Variants in TRIO observed in about 807,000 individuals in gnomAD.
TRIO encodes the protein trio Rho guanine nucleotide exchange factor, also known as triple functional domain protein.
In TRIO, 58 loss-of-function variants were observed where a neutral mutation model predicts 351.9. The observed-to-expected ratio is 0.16, with a 90% CI of 0.13 to 0.21. The LOEUF (loss-of-function observed/expected upper bound fraction) is 0.21, where lower values mean the gene tolerates loss of function less well. Ranked by LOEUF, TRIO falls within the 10% of genes least tolerant of loss-of-function variation. The pLI is 1.00. For synonymous variants in TRIO, 1,758 were observed against 1,595.7 expected, an observed-to-expected ratio of 1.10 and a Z score of -2.42; for missense variants, 3,201 against 4,027.8, an observed-to-expected ratio of 0.79 and a Z score of 5.56.
intron 8 of TRIO, among the ~76,000 whole-genome samples, chr5:14,314,094 T>C (rs1739167023): frequency 6.6e-6 from 1 of 152,200 alleles, no homozygotes; most frequent in Non-Finnish European, 1.5e-5. Context: ...GGAATTCTTT[T>C]TAGGGTTAAC....
At chr5:14,479,817 CT>C in intron 42 of TRIO, 101 bp from the exon 43 acceptor site, 1 of 1,051,422 alleles carries the variant, frequency 9.5e-7, no homozygotes. Context: ...TTCCTCGTTA[CT>C]TTTACTGCCA....
intron 2 of TRIO, among the ~76,000 whole-genome samples, chr5:14,273,935 TCAG>T (rs1202922796): frequency 2.6e-5 from 4 of 152,226 alleles, no homozygotes; most frequent in Admixed American, 6.5e-5. Context: ...GTTGCCCACT[TCAG>T]CAACTTGTTT....
chr5:14,480,154 A>C, intron 43 of TRIO, 143 bp downstream of exon 43: 1 of 697,450 alleles, frequency 1.4e-6, no homozygotes, highest in Non-Finnish European at 2.3e-6. Context: ...AAACCTTAAA[A>C]ATTTAAATCA....
At chr5:14,184,506 G>A (rs1479159860) in intron 1 of TRIO, among the ~76,000 whole-genome samples, 1 of 152,250 alleles carries the variant, frequency 6.6e-6, no homozygotes, top group Non-Finnish European at 1.5e-5. Context: ...GACTGGAAAA[G>A]TGTTTGCATT....
chr5:14,282,133 A>T (rs1581520741), intron 3 of TRIO, among the ~76,000 whole-genome samples: 2 of 152,338 alleles, frequency 1.3e-5, no homozygotes, highest in African/African-American at 4.8e-5. Flanking sequence ...AGCCCTACTT[A>T]TCTGGAGTAA....
chr5:14,487,052 C>T lies in TRIO; in HGVS notation c.6836-412C>T, dbSNP rs1755966148. On this transcript the variant is annotated intron_variant, in intron 47 of 56. Coordinates refer to ENST00000344204, the MANE Select transcript of TRIO (RefSeq NM_007118.4). ...CCTCTAGTAGCTCCTTAGCTTCCCTCAGGGCTGTGTTCAGCCTGCAGAGCA... is the reference window on the plus strand; with the variant it reads ...CCTCTAGTAGCTCCTTAGCTTCCCTTAGGGCTGTGTTCAGCCTGCAGAGCA... Among the ~76,000 whole-genome samples the T allele has an allele frequency of 2.0e-5, 3 of 152,138 alleles. No homozygotes were observed. The South Asian group carries it at 6.2e-4, about 31-fold the overall frequency.
chr5:14,391,114 A>G (rs191308653), intron 27 of TRIO, 124 bp downstream of exon 27: 147 of 729,384 alleles, frequency 2.0e-4, no homozygotes, highest in Admixed American at 1.3e-3. Context: ...ATTTTTGTCT[A>G]TCATTTTGTC....
chr5:14,420,302 T>G, intron 34 of TRIO: 1 of 387,840 alleles, frequency 2.6e-6, no homozygotes, highest in South Asian at 2.9e-5. Context: ...TTTGGAACAT[T>G]CCAGTTGCTT....
intron 34 of TRIO, among the ~76,000 whole-genome samples, chr5:14,455,156 T>A (rs538432346): frequency 6.6e-6 from 1 of 152,128 alleles, no homozygotes; most frequent in Non-Finnish European, 1.5e-5. Context: ...GCTTCCACAG[T>A]GTGGAAGGGG....
At chr5:14,217,482 G>T (rs1415704869) in intron 1 of TRIO, among the ~76,000 whole-genome samples, 1 of 152,178 alleles carries the variant, frequency 6.6e-6, no homozygotes, top group African/African-American at 2.4e-5. Context: ...CAGGTATGAA[G>T]TATACAGAAG....
At chr5:14,503,560 C>T (rs1419738217) in intron 54 of TRIO, among the ~76,000 whole-genome samples, 1 of 152,220 alleles carries the variant, frequency 6.6e-6, no homozygotes, top group Non-Finnish European at 1.5e-5. Context: ...CATCGACTTT[C>T]ACCCTGGGCT....
chr5:14,444,704 C>T (rs940029270), intron 34 of TRIO, among the ~76,000 whole-genome samples: 5 of 152,148 alleles, frequency 3.3e-5, no homozygotes, highest in Non-Finnish European at 7.4e-5. Context: ...TAATTTTGTT[C>T]CCTTGCTTCC....
At chr5:14,218,256 G>C (rs565174140) in intron 1 of TRIO, among the ~76,000 whole-genome samples, 2 of 152,310 alleles carry the variant, frequency 1.3e-5, no homozygotes, top group South Asian at 4.1e-4. Flanking sequence ...TAGTGAAGTC[G>C]TCGGTTTAAA....
chr5:14,172,597 A>AG (rs1472718325), intron 1 of TRIO, among the ~76,000 whole-genome samples: 3 of 151,654 alleles, frequency 2.0e-5, no homozygotes, highest in African/African-American at 7.3e-5. Flanking sequence ...TCACAATAAC[A>AG]GGGGGGATGA....
chr5:14,156,717 C>T (rs1788122169), intron 1 of TRIO, among the ~76,000 whole-genome samples: 1 of 152,160 alleles, frequency 6.6e-6, no homozygotes, highest in African/African-American at 2.4e-5. Context: ...ATAAATGAAC[C>T]TCCACCCCCA....
intron 4 of TRIO, among the ~76,000 whole-genome samples, chr5:14,289,344 C>T (rs1430302291): frequency 6.6e-6 from 1 of 151,812 alleles, no homozygotes; most frequent in East Asian, 2.0e-4. Flanking sequence ...GAGGTTGCAC[C>T]ACTGCACTGC....
intron 21 of TRIO, 100 bp from the exon 22 acceptor site, chr5:14,387,338 C>A: frequency 7.9e-7 from 1 of 1,258,542 alleles, no homozygotes; most frequent in Non-Finnish European, 1.1e-6. Context: ...GCCGGTTTTC[C>A]TGTTCAGAGC....
intron 32 of TRIO, 129 bp from the exon 33 acceptor site, chr5:14,406,444 A>G (rs1748725693): frequency 2.4e-6 from 2 of 840,550 alleles, no homozygotes; most frequent in Non-Finnish European, 4.0e-6. Flanking sequence ...TGCCTTAACC[A>G]TTGTCCGCAT....
intron 1 of TRIO, among the ~76,000 whole-genome samples, chr5:14,171,467 A>G (rs957026202): frequency 6.6e-6 from 1 of 152,228 alleles, no homozygotes; most frequent in African/African-American, 2.4e-5. Context: ...AATGTAGACC[A>G]TAAGCTGATG....
Sources: allele counts gnomAD v4.1 joint callset (sites outside exome capture counted in the v4.1 genomes callset), GRCh38; gene constraint gnomAD v4.1.1; transcripts MANE v1.5; gene names NCBI Gene and HGNC (gene_info 2026-07-23, HGNC 2026-07-21).